The following KCNQ1 variants were observed in gnomAD, a reference collection of about 807,000 sequenced individuals.
The protein encoded by KCNQ1 is potassium voltage-gated channel subfamily Q member 1, also known as potassium voltage-gated channel subfamily KQT member 1.
In KCNQ1, 49 loss-of-function variants were observed where a neutral mutation model predicts 72.4. That is an observed-to-expected ratio of 0.68 (90% CI 0.54 to 0.86). The LOEUF (loss-of-function observed/expected upper bound fraction) is 0.86. KCNQ1 is among the 40% of genes least tolerant of loss of function. The pLI, the probability that KCNQ1 is intolerant of heterozygous loss-of-function variation, is 0.00. For missense variants in KCNQ1, 790 were observed against 945.1 expected, an observed-to-expected ratio of 0.84 and a Z score of 2.15; for synonymous variants, 450 against 412.6, an observed-to-expected ratio of 1.09 and a Z score of -1.10.
chr11:2,685,636 G>C, intron 11 of KCNQ1: 1 of 398,756 alleles, frequency 2.5e-6, no homozygotes, highest in East Asian at 3.6e-5. Context: ...ACTCAGGGTT[G>C]AGGGGACAAG....
chr11:2,644,533 AT>A (rs1163733297), intron 10 of KCNQ1: 1 of 397,982 alleles, frequency 2.5e-6, no homozygotes, highest in African/African-American at 2.1e-5. Context: ...ATTATATTGA[AT>A]TTTTCAAGGT....
At chr11:2,701,484 G>A (rs997088651) in intron 11 of KCNQ1, among the ~76,000 whole-genome samples, 1 of 152,192 alleles carries the variant, frequency 6.6e-6, no homozygotes, top group Admixed American at 6.5e-5. Flanking sequence ...CTGCCTGTCC[G>A]AGAGGCAGCT....
intron 11 of KCNQ1, chr11:2,667,062 A>C (rs1395952936): frequency 5.0e-6 from 2 of 398,530 alleles, no homozygotes; most frequent in African/African-American, 2.1e-5. Context: ...CCCGTCTCTG[A>C]AATGCACGGG....
chr11:2,581,577 C>G (rs968583834), intron 6 of KCNQ1, among the ~76,000 whole-genome samples: 5 of 152,242 alleles, frequency 3.3e-5, no homozygotes, highest in African/African-American at 1.2e-4. Context: ...GGCTGCGCTC[C>G]GTGTGCCTGC....
In KCNQ1 at chr11:2,611,469, C is replaced by A. The variant is rs1323306227; in HGVS notation, c.1393+22615C>A. The A allele has an allele frequency of 2.3e-5, 9 of 397,948 alleles. No homozygotes were observed. The highest frequency in any genetic ancestry group is 4.4e-5 in the Admixed American group (1 of 22,710). The allele number at this position is 397,948 out of a possible 1,614,324, so 24.7% of individuals were successfully genotyped here. On this transcript the variant is annotated intron_variant, in intron 10 of 15. Coordinates refer to ENST00000155840, the MANE Select transcript of KCNQ1 (RefSeq NM_000218.3). This position sits in a 1 kb window ranked among gnomAD's most constrained non-coding sequence, Gnocchi z 5.3. ...TCGAGTGATCTGTCTGCCTCAGCCTCCCAAAATGCTGGGATTACAGGTGTG... is the reference window on the plus strand; with the variant it reads ...TCGAGTGATCTGTCTGCCTCAGCCTACCAAAATGCTGGGATTACAGGTGTG...
In KCNQ1 at chr11:2,676,082, C is replaced by T. The variant is rs944025850; in HGVS notation, c.1514+14001C>T. The T allele has an allele frequency of 2.5e-5, 10 of 398,612 alleles. No individual in the cohort carries two copies. Among genetic ancestry groups the T allele is most frequent in the East Asian group, 1.4e-4 (4 of 28,086 alleles). 24.7% of individuals were successfully genotyped at this position (398,612 alleles called of 1,614,324 possible). ...GACGTATTTTATATAAACAAATATACGTGTGTCTGTGTGTGCATGTACTTA... is the reference window on the plus strand; with the variant it reads ...GACGTATTTTATATAAACAAATATATGTGTGTCTGTGTGTGCATGTACTTA... On this transcript the variant is annotated intron_variant, in intron 11 of 15. Coordinates refer to ENST00000155840, the MANE Select transcript of KCNQ1 (RefSeq NM_000218.3). This position sits in a 1 kb window ranked among gnomAD's most constrained non-coding sequence, Gnocchi z 4.2.
intron 11 of KCNQ1, among the ~76,000 whole-genome samples, chr11:2,747,228 C>T (rs552220175): frequency 2.0e-5 from 3 of 152,362 alleles, no homozygotes; most frequent in Non-Finnish European, 2.9e-5. Flanking sequence ...AAGAAATTAC[C>T]GGATGGTGAC....
chr11:2,646,101 A>G (rs1849661469), intron 10 of KCNQ1: 1 of 398,432 alleles, frequency 2.5e-6, no homozygotes, highest in Admixed American at 4.4e-5. Context: ...CTCCCCTCTT[A>G]TCCCTTGCAT....
At position 2,617,473 on chromosome 11, in the gene KCNQ1, A is replaced by T; in HGVS notation, c.1393+28619A>T. 2.5e-6 allele frequency: 1 copy of T among 398,472 alleles called. No homozygotes were observed. The highest frequency in any genetic ancestry group is 4.4e-6 in the Non-Finnish European group (1 of 225,964). The allele number at this position is 398,472 out of a possible 1,614,324, so 24.7% of individuals were successfully genotyped here. ...CCACAGTTTAGTCATCCATCAATGG[A>T]CACGTAAGTTTTCATATCGTGACTC... On this transcript the variant is annotated intron_variant, in intron 10 of 15. Transcript: ENST00000155840. The surrounding 1 kb of genome is among the most constrained non-coding windows in gnomAD (Gnocchi z 4.6).
intron 11 of KCNQ1, among the ~76,000 whole-genome samples, chr11:2,742,935 C>T (rs1174433561): frequency 2.6e-5 from 4 of 152,346 alleles, no homozygotes; most frequent in South Asian, 4.1e-4. Flanking sequence ...CGAGAGGCCA[C>T]GTGGGCAGCC....
At position 2,521,974 on chromosome 11, in the gene KCNQ1, C is replaced by T. The variant is rs114454834; in HGVS notation, c.387-5954C>T. Reference sequence around the variant, plus strand: ...CCACCCAGGCCCGCTGCCTGCACCCCGGGGGAGCCCTCCCACAGCGTCTCG... The same window carrying T: ...CCACCCAGGCCCGCTGCCTGCACCCTGGGGGAGCCCTCCCACAGCGTCTCG... On this transcript the variant is annotated intron_variant, in intron 1 of 15. Transcript: ENST00000155840. 2.2e-3 allele frequency among the ~76,000 whole-genome samples: 340 copies of T among 152,356 alleles called. 3 individuals carry two copies. Among genetic ancestry groups the T allele is most frequent in the African/African-American group, 8.0e-3 (334 of 41,588 alleles).
At position 2,603,800 on chromosome 11, in the gene KCNQ1, C is replaced by T. The variant is rs1023030003; in HGVS notation, c.1393+14946C>T. Among the ~76,000 whole-genome samples the T allele has an allele frequency of 1.3e-4, 20 of 152,144 alleles. No homozygotes were observed. Among genetic ancestry groups the T allele is most frequent in the African/African-American group, 4.6e-4 (19 of 41,498 alleles). ...CCGCCTCCCGGGTTCAAGCAATTCA[C>T]CCGCCTCAGCCTCCCAAGTAGGTGG... On this transcript the variant is annotated intron_variant, in intron 10 of 15. Coordinates refer to ENST00000155840, the MANE Select transcript of KCNQ1 (RefSeq NM_000218.3). This position sits in a 1 kb window ranked among gnomAD's most constrained non-coding sequence, Gnocchi z 4.1.
At chr11:2,738,516 C>T (rs1282732719) in intron 11 of KCNQ1, among the ~76,000 whole-genome samples, 1 of 152,204 alleles carries the variant, frequency 6.6e-6, no homozygotes, top group Non-Finnish European at 1.5e-5. Context: ...TGGCCAGAGC[C>T]ATGGCCAACC....
intron 2 of KCNQ1, among the ~76,000 whole-genome samples, chr11:2,534,476 C>G (rs996951769): frequency 6.6e-6 from 1 of 152,238 alleles, no homozygotes; most frequent in African/African-American, 2.4e-5. Context: ...ACTCCCTCTG[C>G]AGCTGCCGCC....
chr11:2,574,586 C>A (rs1419618874), intron 6 of KCNQ1, among the ~76,000 whole-genome samples: 2 of 152,202 alleles, frequency 1.3e-5, no homozygotes, highest in African/African-American at 2.4e-5. Context: ...CCCCCACCAC[C>A]ATCAGAGCAT....
At chr11:2,836,388 G>C (rs234865) in intron 15 of KCNQ1, among the ~76,000 whole-genome samples, 147,652 of 152,184 alleles carry the variant, frequency 0.97, 71,778 homozygotes, top group Middle Eastern at 1. Flanking sequence ...GACGTTTCAG[G>C]CCGGAGGTAG....
rs56087897 is a variant in KCNQ1, at chr11:2,660,638, T to C, written c.1394-1323T>C. On this transcript the variant is annotated intron_variant, in intron 10 of 15. Coordinates refer to ENST00000155840, the MANE Select transcript of KCNQ1 (RefSeq NM_000218.3). ...GCCCATAAAAGGTATTCAACACAGA[T>C]GGAAATAACAGCAATGCCTCAGTTT... 499 of 398,594 alleles carry C rather than the reference T, an allele frequency of 1.3e-3. 4 individuals carry two copies. The highest frequency in any genetic ancestry group is 9.3e-3 in the African/African-American group (452 of 48,740). 24.7% of individuals were successfully genotyped at this position (398,594 alleles called of 1,614,324 possible).
Position 2,841,793 on chromosome 11 carries a change from G to A in KCNQ1, c.1795-5974G>A, listed in dbSNP as rs553074858. Among the ~76,000 whole-genome samples, 12 of 152,356 alleles carry A rather than the reference G, an allele frequency of 7.9e-5. No individual in the cohort carries two copies. The South Asian group carries it at 2.5e-3, about 32-fold the overall frequency. ...GACATGGCGCCCCTGAGGCCCTTGG[G>A]GGGCCAAGCATCCGTCAGTGGGCAG... On this transcript the variant is annotated intron_variant, in intron 15 of 15. Coordinates refer to ENST00000155840, the MANE Select transcript of KCNQ1 (RefSeq NM_000218.3).
chr11:2,512,079 T>C (rs1847216412), intron 1 of KCNQ1, among the ~76,000 whole-genome samples: 1 of 152,126 alleles, frequency 6.6e-6, no homozygotes. Flanking sequence ...AAGATTTGTG[T>C]CTCATCCCAG....
Sources: allele counts gnomAD v4.1 joint callset (sites outside exome capture counted in the v4.1 genomes callset), GRCh38; gene constraint gnomAD v4.1.1; non-coding constraint Gnocchi (gnomAD v3.1); transcripts MANE v1.5; gene names NCBI Gene and HGNC (gene_info 2026-07-23, HGNC 2026-07-21).